MORN1: variants seen among roughly 807,000 people sequenced by gnomAD.
The protein encoded by MORN1 is MORN repeat-containing protein 1.
Under a neutral mutation model 61.9 loss-of-function variants are expected in MORN1, and 67 were observed. The ratio of observed to expected loss-of-function variants is 1.08; its 90% confidence interval spans 0.89 to 1.33. MORN1 has a LOEUF of 1.33. MORN1 is among the 40% of genes most tolerant of loss of function. MORN1 has a pLI of 0.00. For missense variants in MORN1, 752 were observed against 691.2 expected (o/e 1.09, Z -0.99); for synonymous variants, 301 against 292.0 (o/e 1.03, Z -0.31).
rs1199100386 is a variant in MORN1 at position 2,363,811 on chromosome 1, A to AAAATAT, written c.746-5097_746-5096insATATTT. ...AAACAAACAAACAAACAAACAAAAAAATATATATATATATAAAAAAAATCA... is the reference window on the plus strand; with the variant it reads ...AAACAAACAAACAAACAAACAAAAAAAAATATATATATATATATATAAAAAAAATCA... On this transcript the variant is annotated intron_variant, in intron 8 of 13. Transcript: ENST00000378531. Among the ~76,000 whole-genome samples the AAAATAT allele has an allele frequency of 6.5e-3, 878 of 135,068 alleles. 12 individuals are homozygous for AAAATAT. The highest frequency in any genetic ancestry group is 0.026 in the African/African-American group (842 of 32,896). 88.6% of individuals were successfully genotyped at this position (135,068 alleles called of 152,430 possible). A position where few individuals can be genotyped will look rare whatever the true frequency, so the allele number is the denominator to read the frequency against.
chr1:2,344,440 A>T (rs1046233582), intron 10 of MORN1, among the ~76,000 whole-genome samples: 2 of 152,108 alleles, frequency 1.3e-5, no homozygotes, highest in Non-Finnish European at 2.9e-5. Flanking sequence ...AGCGACCAGG[A>T]GCATGTGTGG....
At chr1:2,323,852 A>T in intron 13 of MORN1, 1 of 984,590 alleles carries the variant, frequency 1.0e-6, no homozygotes, top group Non-Finnish European at 1.2e-6. Context: ...GACATTCCCC[A>T]CATCAAGGGC....
At chr1:2,348,475 G>A (rs901253785) in intron 10 of MORN1, among the ~76,000 whole-genome samples, 2 of 152,178 alleles carry the variant, frequency 1.3e-5, no homozygotes, top group African/African-American at 4.8e-5. Flanking sequence ...TGGATCCGCC[G>A]CTTCTCCAGG....
chr1:2,378,702 T>A (rs1252491670), intron 6 of MORN1: 1 of 352,862 alleles, frequency 2.8e-6, no homozygotes, highest in East Asian at 7.5e-5. Context: ...CACACACACG[T>A]GTGGCCTCTA....
chr1:2,355,343 C>T (rs537098654), intron 10 of MORN1: 217 of 1,518,518 alleles, frequency 1.4e-4, no homozygotes, highest in Non-Finnish European at 1.9e-4. Flanking sequence ...GGCGCCGGGC[C>T]CTGCTGCCCC....
At chr1:2,321,676 C>T (rs1223918771) in intron 13 of MORN1, 97 bp from the exon 14 acceptor site, 32 of 1,377,568 alleles carry the variant, frequency 2.3e-5, no homozygotes, top group Non-Finnish European at 3.0e-5. Context: ...CCGCTGGCCC[C>T]TGTGCCCCCG....
chr1:2,351,790 C>T (rs1641654035), intron 10 of MORN1: 3 of 563,930 alleles, frequency 5.3e-6, no homozygotes, highest in Non-Finnish European at 1.0e-5. Context: ...AAGACTCGGC[C>T]ATCTTGTAGG....
chr1:2,323,196 G>C, intron 13 of MORN1: 1 of 985,400 alleles, frequency 1.0e-6, no homozygotes, highest in Non-Finnish European at 1.2e-6. Context: ...GGGGGACACC[G>C]CGTGGCACTC....
At chr1:2,336,403 G>T in intron 12 of MORN1, 66 bp downstream of exon 12, 1 of 1,518,432 alleles carries the variant, frequency 6.6e-7, no homozygotes. Context: ...CGTCCTCCTG[G>T]CCCAGCTGAT....
chr1:2,384,715 A>G (rs894786124), intron 6 of MORN1, among the ~76,000 whole-genome samples: 2 of 152,200 alleles, frequency 1.3e-5, no homozygotes, highest in Non-Finnish European at 2.9e-5. Context: ...CAAAAGTGAG[A>G]GCCGCCTGTG....
At chr1:2,380,359 GCCCAGCGCAGCGGCTCACGCCTGAAAT>G (rs1024033425) in intron 6 of MORN1, among the ~76,000 whole-genome samples, 1 of 152,200 alleles carries the variant, frequency 6.6e-6, no homozygotes, top group Non-Finnish European at 1.5e-5. Context: ...AGTGGTCACG[GCCCAGCGCAGCGGCTCACGCCTGAAAT>G]CCCAGCCCTT....
At chr1:2,328,096 C>A (rs1406746950) in intron 12 of MORN1, among the ~76,000 whole-genome samples, 1 of 152,264 alleles carries the variant, frequency 6.6e-6, no homozygotes, top group Non-Finnish European at 1.5e-5. Flanking sequence ...GGCCCTTGAC[C>A]CTGTCTACCC....
chr1:2,324,091 A>G lies in MORN1; in HGVS notation c.1297+6T>C, dbSNP rs1200099791. ...CCGGCGATGGACTTGGGCCCTGTCC[A>G]CCTACCTAGGTGTGCTGCCGCAGCC... On this transcript the variant is annotated splice_donor_region_variant and intron_variant, in intron 13 of 13. Transcript: ENST00000378531. The G allele has an allele frequency of 2.5e-6, 4 of 1,595,634 alleles. No homozygotes were observed. The Admixed American group carries it at 5.3e-5, about 21-fold the overall frequency.
intron 10 of MORN1, among the ~76,000 whole-genome samples, chr1:2,345,940 G>A (rs769813206): frequency 1.2e-4 from 19 of 152,062 alleles, no homozygotes; most frequent in Non-Finnish European, 2.4e-4. Flanking sequence ...CCTTTTCCAC[G>A]TCTGCCAAAG....
intron 10 of MORN1, among the ~76,000 whole-genome samples, chr1:2,349,199 G>A (rs1239839061): frequency 6.6e-6 from 1 of 152,240 alleles, no homozygotes; most frequent in Admixed American, 6.5e-5. Context: ...GGGGAGGGAA[G>A]AACAGGAAAG....
chr1:2,365,136 A>G (rs1283626687), intron 8 of MORN1, among the ~76,000 whole-genome samples: 3 of 150,708 alleles, frequency 2.0e-5, no homozygotes, highest in Admixed American at 6.6e-5. Context: ...CATTGAATCT[A>G]TAAATTACCT....
At chr1:2,385,726 T>C (rs1642481514) in intron 5 of MORN1, 81 bp downstream of exon 5, 2 of 1,339,642 alleles carry the variant, frequency 1.5e-6, no homozygotes, top group Admixed American at 3.4e-5. Context: ...CAGTCCTGTC[T>C]ACACCCCCAG....
chr1:2,378,286 G>C (rs928972543), intron 6 of MORN1: 1 of 152,588 alleles, frequency 6.6e-6, no homozygotes, highest in African/African-American at 2.4e-5. Flanking sequence ...AGGCAAGCCG[G>C]CCAGACTCCC....
At chr1:2,381,918 T>G (rs1240647807) in intron 6 of MORN1, among the ~76,000 whole-genome samples, 1 of 152,178 alleles carries the variant, frequency 6.6e-6, no homozygotes. Flanking sequence ...AGGGCTGGGC[T>G]GCCCCCTGGT....
Sources: gnomAD v4.1 joint callset for allele counts (sites outside exome capture counted in the v4.1 genomes callset) on GRCh38, gnomAD v4.1.1 for gene constraint, MANE v1.5 for transcripts, NCBI Gene and HGNC (gene_info 2026-07-23, HGNC 2026-07-21) for gene names.